Variants in GART observed in about 807,000 individuals in gnomAD.
GART encodes trifunctional purine biosynthetic protein adenosine-3.
Under a neutral mutation model 107.2 loss-of-function variants are expected in GART, and 43 were observed. That is an observed-to-expected ratio of 0.40 (90% confidence interval 0.31 to 0.52). GART has a LOEUF of 0.52. GART is among the 20% of genes least tolerant of loss of function. The pLI is 0.52. For missense variants in GART, 1,107 were observed against 1,206.5 expected (o/e 0.92, Z 1.22); for synonymous variants, 434 against 427.0 (o/e 1.02, Z -0.20).
At chr21:33,510,821 T>C (rs1386796527) in intron 17 of GART, among the ~76,000 whole-genome samples, 1 of 152,188 alleles carries the variant, frequency 6.6e-6, no homozygotes, top group Non-Finnish European at 1.5e-5. Flanking sequence ...AATTTTAGTA[T>C]GTGTCCTGCC....
intron 5 of GART, chr21:33,532,121 G>T: frequency 2.0e-6 from 1 of 492,140 alleles, no homozygotes; most frequent in Non-Finnish European, 3.6e-6. Context: ...GACAACAAAG[G>T]ATGTTACAAT....
chr21:33,521,449 G>T (rs1246015730), intron 12 of GART, among the ~76,000 whole-genome samples: 1 of 151,508 alleles, frequency 6.6e-6, no homozygotes, highest in African/African-American at 2.4e-5. Context: ...GGTTAACACA[G>T]TGAAACCCCG....
At chr21:33,535,979 G>T (rs949698686) in intron 2 of GART, among the ~76,000 whole-genome samples, 1 of 151,836 alleles carries the variant, frequency 6.6e-6, no homozygotes, top group African/African-American at 2.4e-5. Flanking sequence ...AGTGAGCCAA[G>T]ATCGCACCAC....
At chr21:33,515,652 CAAAAA>C (rs71194850) in intron 16 of GART, among the ~76,000 whole-genome samples, 5 of 35,878 alleles carry the variant, frequency 1.4e-4, no homozygotes, top group Admixed American at 3.6e-4. Flanking sequence ...GACTCCAACT[CAAAAA>C]AAAAAAAAAA....
chr21:33,521,042 C>T, intron 12 of GART, 27 bp from the exon 13 acceptor site: 3 of 1,539,304 alleles, frequency 1.9e-6, no homozygotes, highest in Non-Finnish European at 1.8e-6. Context: ...TAATTACTTG[C>T]TACATTTTAA....
At chr21:33,509,952 AG>A in intron 17 of GART, 32 bp from the exon 18 acceptor site, 1 of 1,581,340 alleles carries the variant, frequency 6.3e-7, no homozygotes, top group South Asian at 1.2e-5. Flanking sequence ...AAATAAGTAA[AG>A]AACAATTGTG....
At position 33,504,253 on chromosome 21, in the gene GART, A is replaced by G. The variant is rs748031086; in HGVS notation, c.2904T>C (p.Thr968=). ...TTACTCTTTCAGAAAGAGTTGCGAC[A>G]GTATCACCCCTCTTCACGGGAACAG... ...QEAVPVKRGD[T]VATLSERVKL... is the part of the protein sequence containing the mutation. The change falls in exon 22 of 22, where the codon ACT becomes ACC. Residue 968 remains threonine, a synonymous_variant. Transcript: ENST00000381815. 6.2e-7 allele frequency: 1 copy of G among 1,614,248 alleles called. No homozygotes were observed. Among genetic ancestry groups the G allele is most frequent in the Non-Finnish European group, 8.5e-7 (1 of 1,180,046 alleles).
At chr21:33,506,671 G>C (rs1188564133) in intron 18 of GART, among the ~76,000 whole-genome samples, 1 of 152,146 alleles carries the variant, frequency 6.6e-6, no homozygotes, top group Non-Finnish European at 1.5e-5. Flanking sequence ...CTACCCATCT[G>C]ACAAGGGATT....
rs760853183 is a variant in GART, at chr21:33,511,113, T to C, written c.2314+139A>G. 1.3e-4 allele frequency: 110 copies of C among 825,792 alleles called. 1 individual carries two copies. Among genetic ancestry groups the C allele is most frequent in the Non-Finnish European group, 2.1e-4 (103 of 494,486 alleles). The allele number at this position is 825,792 out of a possible 1,614,324, so 51.2% of individuals were successfully genotyped here. Reference sequence around the variant, plus strand: ...GGTATCGCTGGGGTGGGTGCTGTCATGTTACATCTGTGTAAAGATAGTTGC... The same window carrying C: ...GGTATCGCTGGGGTGGGTGCTGTCACGTTACATCTGTGTAAAGATAGTTGC... On this transcript the variant is annotated intron_variant, in intron 17 of 21. Transcript: ENST00000381815.
chr21:33,528,071 C>T, intron 10 of GART, 96 bp downstream of exon 10: 2 of 1,182,536 alleles, frequency 1.7e-6, no homozygotes, highest in South Asian at 2.6e-5. Flanking sequence ...TGGCTTCACA[C>T]TCTTATCGAG....
intron 4 of GART, 122 bp from the exon 5 acceptor site, chr21:33,532,578 A>G: frequency 2.7e-6 from 2 of 732,482 alleles, no homozygotes; most frequent in Admixed American, 2.4e-5. Context: ...AAAAAAATTA[A>G]TTATCATTCC....
chr21:33,533,553 T>C lies in GART; in HGVS notation c.416+1026A>G, dbSNP rs536644495. Among the ~76,000 whole-genome samples, 13 of 152,176 alleles carry C rather than the reference T, an allele frequency of 8.5e-5. No individual in the cohort carries two copies. The South Asian group carries it at 2.3e-3, about 27-fold the overall frequency. On this transcript the variant is annotated intron_variant, in intron 4 of 21. Coordinates refer to ENST00000381815, the MANE Select transcript of GART (RefSeq NM_000819.5). ...GTGATGATTACTCACTCTGGTTAATTATTTATGACAAAAAAAATCAATGTT... is the reference window on the plus strand; with the variant it reads ...GTGATGATTACTCACTCTGGTTAATCATTTATGACAAAAAAAATCAATGTT...
chr21:33,518,758 T>C (rs2084920585), intron 14 of GART: 1 of 465,982 alleles, frequency 2.1e-6, no homozygotes, highest in African/African-American at 2.0e-5. Context: ...TAGCAAGCAG[T>C]GCTTTTCCAT....
chr21:33,523,539 C>T (rs1433257476), intron 11 of GART, among the ~76,000 whole-genome samples: 1 of 152,086 alleles, frequency 6.6e-6, no homozygotes. Flanking sequence ...CTTGGAAAAT[C>T]TGTGTTTAAA....
Position 33,530,720 on chromosome 21 carries a change from AAACT to A in GART, c.723+35_723+38del, listed in dbSNP as rs780794440. The A allele has an allele frequency of 3.3e-5, 45 of 1,365,300 alleles. 1 individual carries two copies. In the Admixed American group the frequency reaches 1.3e-3, roughly 39 times the overall value. 84.6% of individuals were successfully genotyped at this position (1,365,300 alleles called of 1,614,324 possible). ...CATCTAAGAGTTCTCTGAGAAAACC[AAACT>A]ACTACAAGACTTCAGCAGAGTCTTC... On this transcript the variant is annotated intron_variant, in intron 7 of 21. Transcript: ENST00000381815.
intron 10 of GART, 34 bp downstream of exon 10, chr21:33,528,133 G>A (rs371000504): frequency 1.1e-4 from 169 of 1,603,858 alleles, no homozygotes; most frequent in Non-Finnish European, 1.4e-4. Flanking sequence ...CACTTGTCAC[G>A]TTGTACTCCA....
At chr21:33,505,191 T>C (rs185591037) in intron 20 of GART, among the ~76,000 whole-genome samples, 5 of 152,338 alleles carry the variant, frequency 3.3e-5, no homozygotes, top group African/African-American at 7.2e-5. Context: ...TTTTGGGATA[T>C]ACGGAATCAC....
chr21:33,514,624 G>GT (rs2084844620), intron 16 of GART, among the ~76,000 whole-genome samples: 1 of 152,072 alleles, frequency 6.6e-6, no homozygotes, highest in Non-Finnish European at 1.5e-5. Context: ...GCAGGCCACT[G>GT]TTTTTTAACT....
chr21:33,512,314 ATACATTCTCTCTTATC>A (rs2084799734), intron 16 of GART, among the ~76,000 whole-genome samples: 1 of 149,494 alleles, frequency 6.7e-6, no homozygotes, highest in Non-Finnish European at 1.5e-5. Flanking sequence ...AAAAAAAAGA[ATACATTCTCTCTTATC>A]ACAAATAATA....
Sources: allele counts gnomAD v4.1 joint callset (sites outside exome capture counted in the v4.1 genomes callset), GRCh38; gene constraint gnomAD v4.1.1; transcripts MANE v1.5; gene names NCBI Gene and HGNC (gene_info 2026-07-23, HGNC 2026-07-21).